Variants in FRMPD2 observed in about 807,000 individuals in gnomAD.
FRMPD2 encodes the protein FERM and PDZ domain-containing protein 2.
FRMPD2 carries 96 observed loss-of-function variants against 140.1 expected under a neutral mutation model. The ratio of observed to expected loss-of-function variants is 0.69; its 90% confidence interval spans 0.58 to 0.81. FRMPD2 has a LOEUF of 0.81. Among genes scored for constraint, FRMPD2 ranks in the 40% least tolerant of loss-of-function variants. The pLI is 0.00. For missense variants in FRMPD2, 1,240 were observed against 1,447.4 expected (o/e 0.86, Z 2.32); for synonymous variants, 449 against 547.6 (o/e 0.82, Z 2.52).
In FRMPD2 at chr10:48,212,068, G is replaced by T; in HGVS notation, c.1497C>A (p.Ile499=). 1.2e-6 allele frequency: 2 copies of T among 1,614,106 alleles called. No individual in the cohort carries two copies. Among genetic ancestry groups the T allele is most frequent in the Non-Finnish European group, 1.7e-6 (2 of 1,179,972 alleles). The change falls in exon 13 of 29, where the codon ATC becomes ATA. Residue 499 remains isoleucine, a synonymous_variant. Coordinates refer to ENST00000374201, the MANE Select transcript of FRMPD2 (RefSeq NM_001018071.4). The part of the protein sequence containing the change: ...SKPYFHVEDY[I]PASLIERMTA... ...TCATCCTCTCGATCAGACTCGCTGG[G>T]ATGTAATCTTCAACGTGAAAGTATG...
At chr10:48,210,181 T>C (rs1839287705) in intron 13 of FRMPD2, among the ~76,000 whole-genome samples, 1 of 152,214 alleles carries the variant, frequency 6.6e-6, no homozygotes, top group Non-Finnish European at 1.5e-5. Context: ...CCCAATGTGC[T>C]CTGGGGATGA....
chr10:48,212,932 C>A (rs1411983246), intron 12 of FRMPD2, among the ~76,000 whole-genome samples: 2 of 152,202 alleles, frequency 1.3e-5, no homozygotes, highest in Non-Finnish European at 2.9e-5. Flanking sequence ...GAGGGAGAAG[C>A]TGACCCTGCC....
At chr10:48,256,896 G>C (rs922621004) in intron 1 of FRMPD2, among the ~76,000 whole-genome samples, 1 of 152,146 alleles carries the variant, frequency 6.6e-6, no homozygotes, top group East Asian at 1.9e-4. Context: ...GCCCTGTATG[G>C]TTTCCTGTGC....
Position 48,236,489 on chromosome 10 carries a change from G to C in FRMPD2, c.986C>G (p.Ser329Trp), listed in dbSNP as rs777045711. ...EAPMTLHLPG[S>W]VVTKKGKSYL... ...GTCTAGCCCAGTAGTTACCACAACCGATCCCGGCAGATGTAGTGTCATCGG... is the reference window on the plus strand; with the variant it reads ...GTCTAGCCCAGTAGTTACCACAACCCATCCCGGCAGATGTAGTGTCATCGG... The change falls in exon 9 of 29, where the codon TCG becomes TGG. Residue 329 changes from serine to tryptophan, a missense_variant. Physicochemically the swap from Ser to Trp is radical, Grantham distance 177. This residue lies in a region of FRMPD2 where 1,161 missense variants were observed against 1,055.9 expected (regional missense o/e 1.10). Transcript: ENST00000374201. The C allele has an allele frequency of 4.3e-6, 7 of 1,614,082 alleles. No homozygotes were observed. The highest frequency in any genetic ancestry group is 5.9e-6 in the Non-Finnish European group (7 of 1,179,958).
chr10:48,242,446 C>G, intron 4 of FRMPD2, 94 bp from the exon 5 acceptor site: 1 of 1,101,596 alleles, frequency 9.1e-7, no homozygotes, highest in East Asian at 2.4e-5. Flanking sequence ...GACATGGAAA[C>G]GGGTGTTCCC....
chr10:48,209,662 A>G (rs1176081845), intron 13 of FRMPD2, among the ~76,000 whole-genome samples: 1 of 152,256 alleles, frequency 6.6e-6, no homozygotes, highest in Non-Finnish European at 1.5e-5. Flanking sequence ...GAAGAGATGG[A>G]AAATGTCCAG....
intron 12 of FRMPD2, among the ~76,000 whole-genome samples, chr10:48,216,305 T>TAGAG (rs1177090283): frequency 6.6e-6 from 1 of 151,772 alleles, no homozygotes; most frequent in African/African-American, 2.4e-5. Flanking sequence ...GATAGATAGA[T>TAGAG]AGATAGATAG....
chr10:48,270,585 A>G (rs1394432659), intron 1 of FRMPD2, among the ~76,000 whole-genome samples: 1 of 152,042 alleles, frequency 6.6e-6, no homozygotes, highest in Non-Finnish European at 1.5e-5. Context: ...CCATCAGTCC[A>G]TCCCCTCCAC....
intron 5 of FRMPD2, among the ~76,000 whole-genome samples, chr10:48,241,749 G>A (rs1029311673): frequency 6.6e-6 from 1 of 152,176 alleles, no homozygotes. Flanking sequence ...AATAGCAGAG[G>A]GGAGGGTACC....
intron 14 of FRMPD2, among the ~76,000 whole-genome samples, chr10:48,201,935 A>T (rs935168626): frequency 6.5e-5 from 6 of 91,850 alleles, no homozygotes; most frequent in African/African-American, 2.6e-4. Flanking sequence ...TCTACAGATA[A>T]AAAAAAAAAG....
In FRMPD2 at chr10:48,163,162, G is replaced by A. The variant is rs1428063224; in HGVS notation, c.3881+166C>T. On this transcript the variant is annotated intron_variant, in intron 28 of 28. Transcript: ENST00000374201. ...TCCCAAAAGCTCACAGGTGGTCACA[G>A]CAGCACCAGACTTTATGCTTCTCTT... Among the ~76,000 whole-genome samples, 5 of 104,696 alleles carry A rather than the reference G, an allele frequency of 4.8e-5. 1 individual carries two copies. Among genetic ancestry groups the A allele is most frequent in the Non-Finnish European group, 1.0e-4 (5 of 48,858 alleles). The allele number at this position is 104,696 out of a possible 152,430, so 68.7% of individuals were successfully genotyped here. A position where few individuals can be genotyped will look rare whatever the true frequency, so the allele number is the denominator to read the frequency against.
At chr10:48,206,007 C>T (rs908237638) in intron 14 of FRMPD2, among the ~76,000 whole-genome samples, 1 of 152,016 alleles carries the variant, frequency 6.6e-6, no homozygotes, top group African/African-American at 2.4e-5. Context: ...TCAGGGGCCG[C>T]AAGATAAAGA....
At position 48,236,492 on chromosome 10, in the gene FRMPD2, C is replaced by T. The variant is rs1441430430; in HGVS notation, c.983G>A (p.Gly328Glu). ...GEAPMTLHLP[G>E]SVVTKKGKSY... ...TAGCCCAGTAGTTACCACAACCGAT[C>T]CCGGCAGATGTAGTGTCATCGGGGC... Residue 328 changes from glycine (G) to glutamate (E), a missense_variant, in exon 9 of 29, where the codon GGA becomes GAA. Physicochemically the swap from Gly to Glu is moderately conservative, Grantham distance 98 (BLOSUM62 -2). Coordinates refer to ENST00000374201, the MANE Select transcript of FRMPD2 (RefSeq NM_001018071.4). The T allele has an allele frequency of 6.2e-7, 1 of 1,614,168 alleles. No homozygotes were observed. The highest frequency in any genetic ancestry group is 8.5e-7 in the Non-Finnish European group (1 of 1,180,018).
rs1475222361 is a variant in FRMPD2 at position 48,222,241 on chromosome 10, C to T, written c.1455+72G>A. On this transcript the variant is annotated intron_variant, in intron 12 of 28. Coordinates refer to ENST00000374201, the MANE Select transcript of FRMPD2 (RefSeq NM_001018071.4). ...TACTCAAAGCAGAGTCTCCACATTA[C>T]TAACACATGCCCTCATCCTGTAACT... 2.7e-6 allele frequency: 4 copies of T among 1,508,314 alleles called. No individual in the cohort carries two copies. In the African/African-American group the frequency reaches 4.2e-5, roughly 16 times the overall value. 93.4% of individuals were successfully genotyped at this position (1,508,314 alleles called of 1,614,324 possible).
At chr10:48,238,248 C>T in intron 7 of FRMPD2, 125 bp from the exon 8 acceptor site, 2 of 967,066 alleles carry the variant, frequency 2.1e-6, no homozygotes, top group African/African-American at 1.6e-5. Context: ...ACCTTCTCCC[C>T]CACCTATGGG....
At chr10:48,159,739 T>G (rs722139) in intron 28 of FRMPD2, among the ~76,000 whole-genome samples, 91 of 151,716 alleles carry the variant, frequency 6.0e-4, no homozygotes, top group Admixed American at 1.3e-3. Flanking sequence ...TGATGCTTGT[T>G]GAACTTACGT....
Position 48,240,510 on chromosome 10 carries a change from C to G in FRMPD2, c.568-18G>C. 6.2e-7 allele frequency: 1 copy of G among 1,613,272 alleles called. No homozygotes were observed. Among genetic ancestry groups the G allele is most frequent in the Non-Finnish European group, 8.5e-7 (1 of 1,179,946 alleles). On this transcript the variant is annotated intron_variant, in intron 5 of 28. Coordinates refer to ENST00000374201, the MANE Select transcript of FRMPD2 (RefSeq NM_001018071.4). The stretch of plus-strand genomic sequence containing the variant: ...TTCTCCACCTGGGGGTCAAGTGCAT[C>G]ACACATCCACATCCCAAGATAAGGA...
At chr10:48,181,884 T>TCAGACACACACACA (rs1342570630) in intron 20 of FRMPD2, among the ~76,000 whole-genome samples, 4 of 13,458 alleles carry the variant, frequency 3.0e-4, no homozygotes, top group Admixed American at 9.1e-4. Flanking sequence ...TATATGGCTC[T>TCAGACACACACACA]CATACACACA....
At chr10:48,271,071 T>C (rs899424879) in intron 1 of FRMPD2, among the ~76,000 whole-genome samples, 2 of 152,324 alleles carry the variant, frequency 1.3e-5, no homozygotes, top group Non-Finnish European at 1.5e-5. Flanking sequence ...CACTTTCTAT[T>C]CTCCAAAGGA....
Sources: gnomAD v4.1 joint callset for allele counts (sites outside exome capture counted in the v4.1 genomes callset) on GRCh38, gnomAD v4.1.1 for gene constraint, gnomAD v4.1.1 regional missense constraint, MANE v1.5 for transcripts, NCBI Gene and HGNC (gene_info 2026-07-23, HGNC 2026-07-21) for gene names.